RAD50: variants seen among roughly 807,000 people sequenced by gnomAD.
The protein encoded by RAD50 is RAD50 double strand break repair protein, also known as DNA repair protein RAD50.
In RAD50, 132 loss-of-function variants were observed where a neutral mutation model predicts 168.8. The ratio of observed to expected loss-of-function variants is 0.78; its 90% CI spans 0.68 to 0.90. The LOEUF is 0.90. RAD50 is among the 40% of genes least tolerant of loss of function. The pLI is 0.00. For missense variants in RAD50, 1,347 were observed against 1,534.4 expected (o/e 0.88, Z 2.04); for synonymous variants, 525 against 497.4 (o/e 1.06, Z -0.74).
chr5:132,575,868 G>T lies in RAD50; in HGVS notation c.305G>T (p.Cys102Phe). The T allele has an allele frequency of 6.2e-7, 1 of 1,609,406 alleles. No individual in the cohort carries two copies. Among genetic ancestry groups the T allele is most frequent in the Non-Finnish European group, 8.5e-7 (1 of 1,175,728 alleles). ...ATAGCTGTGCAAAGATCTATGGTGT[G>T]TACTCAGAAAAGCAAAAAGACAGAA... Reference protein sequence around the residue: ...ELIAVQRSMVCTQKSKKTEFK... With the variant: ...ELIAVQRSMVFTQKSKKTEFK... Residue 102 changes from cysteine to phenylalanine, a missense_variant, in exon 3 of 25, where the codon TGT becomes TTT. Physicochemically the swap from Cys to Phe is radical, Grantham distance 205. Transcript: ENST00000378823.
chr5:132,591,917 A>G lies in RAD50; in HGVS notation c.1676A>G (p.His559Arg), dbSNP rs374624870. ...CAAATCAGAAAAATAAAATCTAGGC[A>G]CAGTGATGAATTAACCTCACTGTTG... ...DEQIRKIKSR[H>R]SDELTSLLGY... Residue 559 changes from histidine to arginine, a missense_variant, in exon 11 of 25, where the codon CAC becomes CGC. By Grantham distance (29) the His-to-Arg change is conservative (BLOSUM62 0). Transcript: ENST00000378823. 3 of 1,609,306 alleles carry G rather than the reference A, an allele frequency of 1.9e-6. No homozygotes were observed. The highest frequency in any genetic ancestry group is 1.1e-5 in the South Asian group (1 of 90,956).
At chr5:132,561,226 A>G (rs980961747) in intron 2 of RAD50, among the ~76,000 whole-genome samples, 2 of 151,496 alleles carry the variant, frequency 1.3e-5, no homozygotes, top group African/African-American at 4.9e-5. Context: ...GGAGTCTTGC[A>G]CTGTTGCCCA....
intron 19 of RAD50, among the ~76,000 whole-genome samples, chr5:132,611,534 T>A (rs1335512653): frequency 1.3e-5 from 2 of 148,422 alleles, no homozygotes; most frequent in African/African-American, 5.0e-5. Context: ...CGAAACCCCG[T>A]CTCTACTAAA....
At chr5:132,632,826 T>G (rs1438493370) in intron 21 of RAD50, among the ~76,000 whole-genome samples, 1 of 152,248 alleles carries the variant, frequency 6.6e-6, no homozygotes, top group Non-Finnish European at 1.5e-5. Flanking sequence ...TGGATTTTGT[T>G]ACTGACATTT....
chr5:132,618,829 C>G (rs1256727815), intron 21 of RAD50, among the ~76,000 whole-genome samples: 7 of 152,226 alleles, frequency 4.6e-5, no homozygotes, highest in Admixed American at 4.6e-4. Context: ...CTACCTCCCT[C>G]TAACCAATCT....
chr5:132,615,250 T>C (rs1751155775), intron 19 of RAD50, among the ~76,000 whole-genome samples: 1 of 152,210 alleles, frequency 6.6e-6, no homozygotes, highest in Admixed American at 6.6e-5. Flanking sequence ...ATTTTGTTGT[T>C]GTTGCTGCTG....
chr5:132,603,201 A>T (rs1193662775), intron 13 of RAD50, 99 bp from the exon 14 acceptor site: 1 of 1,100,286 alleles, frequency 9.1e-7, no homozygotes, highest in Admixed American at 2.2e-5. Flanking sequence ...TGAAAAGAAC[A>T]CAATGTCACT....
chr5:132,634,082 C>T (rs948071224), intron 21 of RAD50, among the ~76,000 whole-genome samples: 1 of 151,966 alleles, frequency 6.6e-6, no homozygotes, highest in African/African-American at 2.4e-5. Flanking sequence ...TTAGAGTCAG[C>T]TTATGGATTC....
At chr5:132,562,271 A>G (rs1054780319) in intron 2 of RAD50, among the ~76,000 whole-genome samples, 8 of 152,218 alleles carry the variant, frequency 5.3e-5, no homozygotes, top group Non-Finnish European at 1.2e-4. Flanking sequence ...GGTCTGATTT[A>G]TCTTTTAAAG....
chr5:132,564,310 G>A (rs935188581), intron 2 of RAD50, among the ~76,000 whole-genome samples: 1 of 152,002 alleles, frequency 6.6e-6, no homozygotes, highest in African/African-American at 2.4e-5. Context: ...AGTCTAGGCT[G>A]AGGAGGTCTC....
In RAD50 at chr5:132,642,921, A is replaced by G. The variant is rs1471583727; in HGVS notation, c.*557A>G. On this transcript the variant is annotated 3_prime_UTR_variant, in exon 25 of 25. Coordinates refer to ENST00000378823, the MANE Select transcript of RAD50 (RefSeq NM_005732.4). ...CCCAACTAAAATTTGAAGTAGTTGA[A>G]TGGGGTCTCAAAGTTTGACAGGAAC... 1 of 449,534 alleles carries G rather than the reference A, an allele frequency of 2.2e-6. No individual in the cohort carries two copies. Among genetic ancestry groups the G allele is most frequent in the Admixed American group, 2.7e-5 (1 of 36,966 alleles). The allele number at this position is 449,534 out of a possible 1,614,324, so 27.8% of individuals were successfully genotyped here. A position where few individuals can be genotyped will look rare whatever the true frequency, so the allele number is the denominator to read the frequency against.
At chr5:132,584,472 T>C (rs1351259853) in intron 5 of RAD50, among the ~76,000 whole-genome samples, 1 of 152,234 alleles carries the variant, frequency 6.6e-6, no homozygotes, top group East Asian at 1.9e-4. Flanking sequence ...TTGTTCACTC[T>C]GATGGTAGTT....
In RAD50 at chr5:132,591,754, T is replaced by G; in HGVS notation, c.1636-123T>G. ...TTTAAGAACTTTAAGAAATTTTATA[T>G]TTTATTTTCATATTTTTATAGTTTT... On this transcript the variant is annotated intron_variant, in intron 10 of 24. Transcript: ENST00000378823. The G allele has an allele frequency of 3.9e-6, 3 of 766,416 alleles. No individual in the cohort carries two copies. In the South Asian group the frequency reaches 7.2e-5, roughly 18 times the overall value. 47.5% of individuals were successfully genotyped at this position (766,416 alleles called of 1,614,324 possible). A position where few individuals can be genotyped will look rare whatever the true frequency, so the allele number is the denominator to read the frequency against.
At chr5:132,630,890 G>A (rs1751451291) in intron 21 of RAD50, 1 of 152,116 alleles carries the variant, frequency 6.6e-6, no homozygotes, top group South Asian at 2.1e-4. Context: ...TCTGCTAAAA[G>A]CCTAGAACAA....
intron 19 of RAD50, among the ~76,000 whole-genome samples, chr5:132,611,429 G>A (rs1385920279): frequency 6.6e-6 from 1 of 151,404 alleles, no homozygotes. Context: ...AAAACAGCCA[G>A]GCGTGGTGGC....
chr5:132,643,734 G>GCC lies in RAD50; in HGVS notation c.*1370_*1371insCC. The GCC allele has an allele frequency of 5.6e-6, 1 of 177,108 alleles. No homozygotes were observed. The highest frequency in any genetic ancestry group is 1.2e-5 in the Non-Finnish European group (1 of 84,828). The allele number at this position is 177,108 out of a possible 1,614,324, so 11.0% of individuals were successfully genotyped here. A position where few individuals can be genotyped will look rare whatever the true frequency, so the allele number is the denominator to read the frequency against. On this transcript the variant is annotated 3_prime_UTR_variant, in exon 25 of 25. Transcript: ENST00000378823. ...GGGGGTGGTGGTGGGGTGGGGGGGGGTCCTAAATGTAATCACGAGTAAGAT... is the reference window on the plus strand; with the variant it reads ...GGGGGTGGTGGTGGGGTGGGGGGGGGCCTCCTAAATGTAATCACGAGTAAGAT...
rs1451305155 is a variant in RAD50 at position 132,559,323 on chromosome 5, T to C, written c.169T>C (p.Phe57Leu). 1 of 1,608,380 alleles carries C rather than the reference T, an allele frequency of 6.2e-7. No individual in the cohort carries two copies. The highest frequency in any genetic ancestry group is 1.7e-4 in the Middle Eastern group (1 of 5,892). ...ECLKYICTGD[F>L]PPGTKGNTFV... ...TCTAAAATATATTTGTACTGGAGAT[T>C]TCCCTCCTGGAACCAAAGGAAATAC... The change falls in exon 2 of 25, where the codon TTC becomes CTC. Residue 57 changes from phenylalanine to leucine, a missense_variant. Around this residue, in one of 3 missense-constraint regions of RAD50, gnomAD observed 703 missense variants for 767.7 expected, o/e 0.92. Transcript: ENST00000378823.
chr5:132,578,737 C>G (rs1436399953), intron 3 of RAD50, among the ~76,000 whole-genome samples: 3 of 152,012 alleles, frequency 2.0e-5, no homozygotes, highest in Non-Finnish European at 4.4e-5. Context: ...CCATGTTAGT[C>G]TGGCTGGTCT....
chr5:132,631,164 A>C (rs1368115502), intron 21 of RAD50, among the ~76,000 whole-genome samples: 2 of 140,324 alleles, frequency 1.4e-5, no homozygotes, highest in Admixed American at 1.5e-4. Flanking sequence ...TCTGTCACCC[A>C]GGCTGGAGTT....
Sources: allele counts gnomAD v4.1 joint callset (sites outside exome capture counted in the v4.1 genomes callset), GRCh38; gene constraint gnomAD v4.1.1; regional missense constraint gnomAD v4.1.1; transcripts MANE v1.5; gene names NCBI Gene and HGNC (gene_info 2026-07-23, HGNC 2026-07-21).